CNBD1: variants seen among roughly 807,000 people sequenced by gnomAD.
CNBD1 encodes the protein cyclic nucleotide-binding domain-containing protein 1.
Under a neutral mutation model 54.4 loss-of-function variants are expected in CNBD1, and 71 were observed. That is an observed-to-expected ratio of 1.30 (90% CI 1.08 to 1.59). CNBD1 has a LOEUF of 1.59. CNBD1 is among the 40% of genes most tolerant of loss of function. The pLI, the probability that CNBD1 is intolerant of heterozygous loss-of-function variation, is 0.00. For synonymous variants in CNBD1, 182 were observed against 170.7 expected, an observed-to-expected ratio of 1.07 and a Z score of -0.51; for missense variants, 659 against 518.0, an observed-to-expected ratio of 1.27 and a Z score of -2.64.
chr8:86,872,406 T>TAA (rs2131767655), intron 1 of CNBD1, among the ~76,000 whole-genome samples: 1 of 152,308 alleles, frequency 6.6e-6, no homozygotes, highest in Non-Finnish European at 1.5e-5. Context: ...TCACATTTTA[T>TAA]ATAATCACAT....
chr8:87,384,546 G>T (rs1341981737), downstream of CNBD1, among the ~76,000 whole-genome samples: 1 of 152,130 alleles, frequency 6.6e-6, no homozygotes, highest in Non-Finnish European at 1.5e-5. Flanking sequence ...TTTCCTCCAT[G>T]TAGGAATGAT....
At chr8:87,016,712 A>G (rs552165956) in intron 4 of CNBD1, among the ~76,000 whole-genome samples, 4 of 152,330 alleles carry the variant, frequency 2.6e-5, no homozygotes, top group African/African-American at 9.6e-5. Flanking sequence ...GTTTGAATTA[A>G]TGCAGGACCC....
intron 5 of CNBD1, among the ~76,000 whole-genome samples, chr8:87,209,487 G>C (rs950712061): frequency 3.3e-5 from 5 of 152,058 alleles, no homozygotes; most frequent in Admixed American, 6.6e-5. Context: ...CCTGTAAACT[G>C]TAAACTAGAA....
intron 4 of CNBD1, among the ~76,000 whole-genome samples, chr8:87,118,231 C>T (rs1405228837): frequency 7.0e-6 from 1 of 143,516 alleles, no homozygotes; most frequent in Non-Finnish European, 1.5e-5. Context: ...AGGAGAATTG[C>T]TTGAACTCAG....
rs1224822368 is a variant in CNBD1, at chr8:87,382,641, C to T, written c.*14C>T. ...GCAGTGGCCTAGATCTAGAAACAAC[C>T]TCAGTGAACATTAATTAAGAAAGTA... On this transcript the variant is annotated 3_prime_UTR_variant, in exon 11 of 11. Transcript: ENST00000518476. The T allele has an allele frequency of 1.3e-6, 2 of 1,523,462 alleles. No individual in the cohort carries two copies. The highest frequency in any genetic ancestry group is 1.2e-5 in the South Asian group (1 of 82,492). The allele number at this position is 1,523,462 out of a possible 1,614,324, so 94.4% of individuals were successfully genotyped here. A position where few individuals can be genotyped will look rare whatever the true frequency, so the allele number is the denominator to read the frequency against.
At position 87,190,866 on chromosome 8, in the gene CNBD1, A is replaced by AG. The variant is rs1249297188; in HGVS notation, c.432-15127_432-15126insG. ...ATATAGATACATGTACCTATATCTA[A>AG]ATAGATATAGATACATGTACGTATA... On this transcript the variant is annotated intron_variant, in intron 4 of 10. Transcript: ENST00000518476. Among the ~76,000 whole-genome samples, 252 of 58,486 alleles carry AG rather than the reference A, an allele frequency of 4.3e-3. 14 individuals are homozygous for AG. The highest frequency in any genetic ancestry group is 0.013 in the African/African-American group (222 of 17,384). The allele number at this position is 58,486 out of a possible 152,430, so 38.4% of individuals were successfully genotyped here. A position where few individuals can be genotyped will look rare whatever the true frequency, so the allele number is the denominator to read the frequency against.
At chr8:87,339,713 G>A (rs1810026400) in intron 8 of CNBD1, among the ~76,000 whole-genome samples, 1 of 151,654 alleles carries the variant, frequency 6.6e-6, no homozygotes, top group African/African-American at 2.4e-5. Flanking sequence ...TTACTGTGGG[G>A]CTTACATAAA....
At chr8:87,342,929 G>A (rs1264509526) in intron 8 of CNBD1, among the ~76,000 whole-genome samples, 3 of 152,106 alleles carry the variant, frequency 2.0e-5, no homozygotes, top group Non-Finnish European at 4.4e-5. Flanking sequence ...TCACCAGGCT[G>A]GAATTTCCCA....
chr8:87,258,409 T>A (rs1363243582), intron 6 of CNBD1, among the ~76,000 whole-genome samples: 3 of 136,492 alleles, frequency 2.2e-5, no homozygotes, highest in East Asian at 2.0e-4. Flanking sequence ...CAAACAAAAA[T>A]TTTTCTTTTT....
intron 4 of CNBD1, among the ~76,000 whole-genome samples, chr8:86,991,327 T>A (rs1306505072): frequency 6.6e-6 from 1 of 152,030 alleles, no homozygotes; most frequent in Non-Finnish European, 1.5e-5. Context: ...TCATATATGG[T>A]TTTTATTTTT....
downstream of CNBD1, chr8:87,382,934 T>A (rs1235188632): frequency 4.3e-6 from 1 of 231,876 alleles, no homozygotes; most frequent in Non-Finnish European, 8.4e-6. Flanking sequence ...TTAAAAGTTA[T>A]ATGTAAATGT....
intron 4 of CNBD1, among the ~76,000 whole-genome samples, chr8:87,070,541 A>T (rs1266278451): frequency 2.0e-5 from 3 of 152,136 alleles, no homozygotes; most frequent in Non-Finnish European, 4.4e-5. Flanking sequence ...TCTCTCAAAA[A>T]TACTATGTAT....
At chr8:86,978,374 T>G (rs1808390264) in intron 4 of CNBD1, among the ~76,000 whole-genome samples, 1 of 152,052 alleles carries the variant, frequency 6.6e-6, no homozygotes, top group Non-Finnish European at 1.5e-5. Flanking sequence ...AAAACAAAGA[T>G]AAATGAGATA....
Position 87,003,988 on chromosome 8 carries a change from A to C in CNBD1, c.431+64234A>C, listed in dbSNP as rs113349959. Among the ~76,000 whole-genome samples the C allele has an allele frequency of 2.7e-3, 405 of 152,342 alleles. 2 individuals carry two copies. Among genetic ancestry groups the C allele is most frequent in the African/African-American group, 9.5e-3 (394 of 41,580 alleles). On this transcript the variant is annotated intron_variant, in intron 4 of 10. Transcript: ENST00000518476. ...CAAGAACCATAGGGAAAGAACAAGG[A>C]ATGAATCTAGTAACACACAGGTCAA...
intron 5 of CNBD1, among the ~76,000 whole-genome samples, chr8:87,217,993 C>T (rs1814250119): frequency 1.3e-5 from 2 of 152,026 alleles, no homozygotes; most frequent in Admixed American, 6.6e-5. Flanking sequence ...TCAGAAAAAA[C>T]ACCTTCTTTT....
At chr8:87,127,016 A>G (rs900082177) in intron 4 of CNBD1, among the ~76,000 whole-genome samples, 3 of 151,806 alleles carry the variant, frequency 2.0e-5, no homozygotes, top group African/African-American at 7.2e-5. Flanking sequence ...ATAGTGACGC[A>G]AACTCATCTA....
At chr8:87,270,939 T>C (rs1808350128) in intron 6 of CNBD1, among the ~76,000 whole-genome samples, 1 of 151,804 alleles carries the variant, frequency 6.6e-6, no homozygotes, top group Non-Finnish European at 1.5e-5. Flanking sequence ...ATTATGGCTT[T>C]GATTTTGTTA....
intron 4 of CNBD1, among the ~76,000 whole-genome samples, chr8:87,062,133 A>G (rs562459792): frequency 6.6e-6 from 1 of 152,356 alleles, no homozygotes; most frequent in Non-Finnish European, 1.5e-5. Context: ...TTAGCCAACT[A>G]CTGAGGTCTG....
chr8:87,253,885 G>A (rs1807957423), intron 6 of CNBD1, among the ~76,000 whole-genome samples: 1 of 152,058 alleles, frequency 6.6e-6, no homozygotes, highest in Non-Finnish European at 1.5e-5. Context: ...ACGGGAATTG[G>A]AATTTAGTTA....
Sources: gnomAD v4.1 joint callset for allele counts (sites outside exome capture counted in the v4.1 genomes callset) on GRCh38, gnomAD v4.1.1 for gene constraint, MANE v1.5 for transcripts, NCBI Gene and HGNC (gene_info 2026-07-23, HGNC 2026-07-21) for gene names.